The following SERPINB12 variants were observed in gnomAD, a reference collection of about 807,000 sequenced individuals.
SERPINB12 encodes the protein serpin B12.
A neutral mutation model predicts 41.1 loss-of-function variants in SERPINB12; 57 were observed. The observed-to-expected ratio is 1.39, with a 90% CI of 1.12 to 1.73. The LOEUF (loss-of-function observed/expected upper bound fraction) is 1.73. Among genes scored for constraint, SERPINB12 ranks in the 40% most tolerant of loss-of-function variants. The pLI is 0.00. For missense variants in SERPINB12, 536 were observed against 501.9 expected (o/e 1.07, Z -0.65); for synonymous variants, 180 against 181.3 (o/e 0.99, Z 0.06).
chr18:63,520,740 G>C, the SERPINB12 span, among the ~76,000 whole-genome samples: 1 of 152,214 alleles, frequency 6.6e-6, no homozygotes, highest in Admixed American at 6.5e-5. Context: ...GTTGTGGGTA[G>C]GGGTGGGTAA....
intron 1 of SERPINB12, among the ~76,000 whole-genome samples, chr18:63,544,775 A>C (rs1197783200): frequency 6.6e-6 from 1 of 152,006 alleles, no homozygotes; most frequent in Non-Finnish European, 1.5e-5. Flanking sequence ...TCCTCTTTTT[A>C]TGTGTTATAA....
chr18:63,555,690 G>A (rs1003354129), intron 1 of SERPINB12, among the ~76,000 whole-genome samples: 1 of 152,196 alleles, frequency 6.6e-6, no homozygotes, highest in African/African-American at 2.4e-5. Flanking sequence ...AGAAGGATGT[G>A]AAGATGGAGG....
At chr18:63,528,229 T>C in the SERPINB12 span, among the ~76,000 whole-genome samples, 5 of 152,218 alleles carry the variant, frequency 3.3e-5, no homozygotes, top group Admixed American at 2.6e-4. Flanking sequence ...GTTTGAATGA[T>C]CTGTTTAATA....
chr18:63,553,206 C>A (rs1186484991), intron 1 of SERPINB12, among the ~76,000 whole-genome samples: 2 of 152,014 alleles, frequency 1.3e-5, no homozygotes, highest in Non-Finnish European at 2.9e-5. Flanking sequence ...GTTCTGTAGC[C>A]CACAGAGTGA....
At chr18:63,547,702 T>C (rs979703619) in intron 1 of SERPINB12, among the ~76,000 whole-genome samples, 6 of 152,138 alleles carry the variant, frequency 3.9e-5, no homozygotes, top group Non-Finnish European at 8.8e-5. Context: ...AAAATTGTAA[T>C]AAATGAACTT....
chr18:63,553,021 C>G (rs1910573036), intron 1 of SERPINB12, among the ~76,000 whole-genome samples: 1 of 152,024 alleles, frequency 6.6e-6, no homozygotes, highest in African/African-American at 2.4e-5. Context: ...CTCTCAACTC[C>G]CTTGGGAGGT....
the SERPINB12 span, among the ~76,000 whole-genome samples, chr18:63,532,860 C>T: frequency 6.6e-6 from 1 of 152,096 alleles, no homozygotes; most frequent in East Asian, 1.9e-4. Context: ...TGTTTTTAGA[C>T]CAGAATATGT....
chr18:63,533,237 A>G, the SERPINB12 span, among the ~76,000 whole-genome samples: 1 of 152,180 alleles, frequency 6.6e-6, no homozygotes, highest in Non-Finnish European at 1.5e-5. Flanking sequence ...TGGCCTCCCA[A>G]AATATTGGGA....
rs767472627 is a variant in SERPINB12, at chr18:63,566,941, C to G, written c.1208C>G (p.Pro403Arg). Residue 403 changes from proline to arginine, a missense_variant, in exon 8 of 8, where the codon CCT (proline) becomes CGT (arginine). Pro to Arg is a moderately radical substitution (Grantham distance 103, BLOSUM62 -2). Transcript: ENST00000382768. Reference protein sequence around the residue: ...RSWVEFNANHPFLFFIRHNKT... With the variant: ...RSWVEFNANHRFLFFIRHNKT... ...TGGGTGGAGTTTAATGCCAACCACC[C>G]TTTTCTCTTTTTCATTAGACACAAC... The G allele has an allele frequency of 3.1e-6, 5 of 1,613,664 alleles. No individual in the cohort carries two copies. The highest frequency in any genetic ancestry group is 4.2e-6 in the Non-Finnish European group (5 of 1,179,894).
chr18:63,561,242 C>T (rs1006296791), intron 5 of SERPINB12, 40 bp downstream of exon 5: 2 of 1,304,998 alleles, frequency 1.5e-6, no homozygotes, highest in Admixed American at 1.8e-5. Context: ...TATTGGTTTC[C>T]ATTTAAAAGA....
chr18:63,556,104 A>G (rs1468881026), intron 1 of SERPINB12, 38 bp from the exon 2 acceptor site: 19 of 1,450,770 alleles, frequency 1.3e-5, no homozygotes, highest in Non-Finnish European at 1.8e-5. Context: ...TTTTCTTCCA[A>G]TCACCATTTT....
chr18:63,550,260 C>T (rs1314888524), intron 1 of SERPINB12, among the ~76,000 whole-genome samples: 2 of 152,134 alleles, frequency 1.3e-5, no homozygotes, highest in Non-Finnish European at 2.9e-5. Context: ...GAGCAATTGC[C>T]TTTAGACTCA....
the SERPINB12 span, among the ~76,000 whole-genome samples, chr18:63,530,376 C>A: frequency 6.6e-6 from 1 of 152,200 alleles, no homozygotes; most frequent in Non-Finnish European, 1.5e-5. Flanking sequence ...TGTATACACA[C>A]TTGCAGCCAT....
chr18:63,543,683 G>A (rs1372203377), intron 1 of SERPINB12, among the ~76,000 whole-genome samples: 1 of 151,838 alleles, frequency 6.6e-6, no homozygotes, highest in African/African-American at 2.4e-5. Context: ...CAACACCTCT[G>A]TCTCCCCAGT....
chr18:63,534,659 C>G, the SERPINB12 span, among the ~76,000 whole-genome samples: 1 of 152,198 alleles, frequency 6.6e-6, no homozygotes, highest in Non-Finnish European at 1.5e-5. Context: ...GAAACCGGAT[C>G]AAGCAGACTC....
At chr18:63,560,897 T>TA (rs946405905) in intron 4 of SERPINB12, among the ~76,000 whole-genome samples, 188 bp from the exon 5 acceptor site, 3 of 152,174 alleles carry the variant, frequency 2.0e-5, no homozygotes, top group African/African-American at 4.8e-5. Flanking sequence ...CATTTTTCAC[T>TA]AAAAAAACTG....
At chr18:63,559,019 T>TTTCC (rs1910788016) in intron 3 of SERPINB12, among the ~76,000 whole-genome samples, 1 of 63,240 alleles carries the variant, frequency 1.6e-5, no homozygotes, top group Non-Finnish European at 4.1e-5. Context: ...TCTTTCTTTC[T>TTTCC]TTCTTTCTTT....
chr18:63,528,680 A>G, the SERPINB12 span, among the ~76,000 whole-genome samples: 494 of 152,316 alleles, frequency 3.2e-3, 4 homozygotes, highest in African/African-American at 0.011. Flanking sequence ...AGCAGACCAA[A>G]CAAAAATAAC....
intron 1 of SERPINB12, among the ~76,000 whole-genome samples, chr18:63,553,976 G>C (rs944804467): frequency 6.6e-6 from 1 of 152,136 alleles, no homozygotes; most frequent in Non-Finnish European, 1.5e-5. Flanking sequence ...AAGGCATAAT[G>C]CTCCTGAAAA....
Sources: gnomAD v4.1 joint callset for allele counts (sites outside exome capture counted in the v4.1 genomes callset) on GRCh38, gnomAD v4.1.1 for gene constraint, MANE v1.5 for transcripts, NCBI Gene and HGNC (gene_info 2026-07-23, HGNC 2026-07-21) for gene names.